Variants in HHIP observed in about 807,000 individuals in gnomAD.
HHIP encodes the protein hedgehog-interacting protein.
In HHIP, 12 loss-of-function variants were observed where a neutral mutation model predicts 74.0. That is an observed-to-expected ratio of 0.16 (90% CI 0.10 to 0.26). The LOEUF is 0.26. Ranked by LOEUF, HHIP falls within the 10% of genes least tolerant of loss-of-function variation. HHIP has a pLI of 1.00. For synonymous variants in HHIP, 309 were observed against 311.6 expected (o/e 0.99, Z 0.09); for missense variants, 788 against 845.0 (o/e 0.93, Z 0.84).
intron 11 of HHIP, among the ~76,000 whole-genome samples, chr4:144,724,682 T>G (rs6857915): frequency 1.1e-5 from 1 of 94,978 alleles, no homozygotes; most frequent in Non-Finnish European, 2.3e-5. Flanking sequence ...ATATATATAT[T>G]TATATATATA....
chr4:144,655,202 A>G (rs981199757), intron 2 of HHIP, among the ~76,000 whole-genome samples: 4 of 152,224 alleles, frequency 2.6e-5, no homozygotes, highest in African/African-American at 9.6e-5. Flanking sequence ...TTACAAAGCA[A>G]TATAGTGAGT....
chr4:144,659,424 A>G (rs1317601847), intron 3 of HHIP, among the ~76,000 whole-genome samples: 1 of 152,198 alleles, frequency 6.6e-6, no homozygotes, highest in Non-Finnish European at 1.5e-5. Context: ...CTCTTATTTT[A>G]CTTTCTGAAA....
At chr4:144,734,652 C>T in intron 11 of HHIP, 89 bp from the exon 12 acceptor site, 2 of 1,040,290 alleles carry the variant, frequency 1.9e-6, no homozygotes, top group Non-Finnish European at 2.7e-6. Flanking sequence ...AAGTAAGAGG[C>T]ATGCTTTGTA....
At chr4:144,703,151 T>C (rs1274501315) in intron 4 of HHIP, among the ~76,000 whole-genome samples, 11 of 151,870 alleles carry the variant, frequency 7.2e-5, no homozygotes, top group African/African-American at 1.9e-4. Flanking sequence ...GAGACGGAGA[T>C]TGCAGTGAGC....
rs200464883 is a variant in HHIP, at chr4:144,706,625, G to A, written c.926G>A (p.Arg309Gln). The change falls in exon 5 of 13, where the codon CGG becomes CAG. Residue 309 changes from arginine to glutamine, a missense_variant. Coordinates refer to ENST00000296575, the MANE Select transcript of HHIP (RefSeq NM_022475.3). The stretch of plus-strand genomic sequence containing the variant: ...GTGTCCTATACCACCAACCAAGAAC[G>A]GTGGGCTATCGGGCCTCATGACCAC... The part of the protein sequence containing the change: ...LYVSYTTNQE[R>Q]WAIGPHDHIL... The A allele has an allele frequency of 1.8e-4, 296 of 1,613,646 alleles. No homozygotes were observed. The highest frequency in any genetic ancestry group is 2.2e-5 in the Non-Finnish European group (26 of 1,179,816).
chr4:144,653,680 G>A (rs1201091465), intron 2 of HHIP, among the ~76,000 whole-genome samples: 1 of 152,026 alleles, frequency 6.6e-6, no homozygotes, highest in African/African-American at 2.4e-5. Flanking sequence ...TTTAAGAACC[G>A]TAGAATGCAC....
chr4:144,660,767 C>G (rs1191132632), intron 4 of HHIP, among the ~76,000 whole-genome samples: 1 of 152,096 alleles, frequency 6.6e-6, no homozygotes, highest in Non-Finnish European at 1.5e-5. Flanking sequence ...GTTAAGATGA[C>G]TCCAGTCTTT....
At position 144,646,708 on chromosome 4, in the gene HHIP, G is replaced by A; in HGVS notation, c.33G>A (p.Leu11=). MLKMLSFKLL[L]LAVALGFFEG... is the part of the protein sequence containing the mutation. ...AGATGCTCTCCTTTAAGCTGCTGCT[G>A]CTGGCCGTGGCTCTGGGCTTCTTTG... Residue 11 remains leucine (L), a synonymous_variant, in exon 1 of 13, where the codon CTG becomes CTA. Coordinates refer to ENST00000296575, the MANE Select transcript of HHIP (RefSeq NM_022475.3). 6.2e-7 allele frequency: 1 copy of A among 1,614,190 alleles called. No homozygotes were observed. Among genetic ancestry groups the A allele is most frequent in the South Asian group, 1.1e-5 (1 of 91,080 alleles).
At chr4:144,684,025 T>C (rs1475646268) in intron 4 of HHIP, among the ~76,000 whole-genome samples, 1 of 149,826 alleles carries the variant, frequency 6.7e-6, no homozygotes, top group African/African-American at 2.5e-5. Flanking sequence ...ATTGCACCAC[T>C]GCACTCCAGC....
intron 11 of HHIP, among the ~76,000 whole-genome samples, chr4:144,722,660 C>T (rs1044590915): frequency 3.9e-5 from 6 of 152,060 alleles, no homozygotes; most frequent in African/African-American, 1.4e-4. Flanking sequence ...CAAGACCAGC[C>T]TGGCCAACAT....
chr4:144,719,785 C>T (rs187071152), intron 11 of HHIP, among the ~76,000 whole-genome samples: 1 of 152,320 alleles, frequency 6.6e-6, no homozygotes, highest in East Asian at 1.9e-4. Flanking sequence ...TCTTTAGCCA[C>T]ACCATGCTGC....
In HHIP at chr4:144,646,623, G is replaced by A; in HGVS notation, c.-53G>A. ...TGCGCCCTAGTGCCCCTGCTGGGCA[G>A]TGGCGTTCCCCCCCATCCTCCCGCG... On this transcript the variant is annotated 5_prime_UTR_variant, in exon 1 of 13. The change creates a new upstream start codon in the 5' untranslated region. Coordinates refer to ENST00000296575, the MANE Select transcript of HHIP (RefSeq NM_022475.3). 1 of 1,574,106 alleles carries A rather than the reference G, an allele frequency of 6.4e-7. No homozygotes were observed. Among genetic ancestry groups the A allele is most frequent in the Non-Finnish European group, 8.6e-7 (1 of 1,156,378 alleles).
chr4:144,667,630 G>A (rs1315722692), intron 4 of HHIP, among the ~76,000 whole-genome samples: 4 of 152,192 alleles, frequency 2.6e-5, no homozygotes, highest in Non-Finnish European at 5.9e-5. Flanking sequence ...CAGCTCTGGA[G>A]TTTCTCAAAG....
intron 4 of HHIP, among the ~76,000 whole-genome samples, chr4:144,689,769 C>T (rs913849979): frequency 4.6e-5 from 7 of 151,962 alleles, no homozygotes; most frequent in African/African-American, 1.7e-4. Context: ...TTAACTGAAG[C>T]CTTACTCTAA....
chr4:144,671,041 G>A lies in HHIP; in HGVS notation c.831+11203G>A, dbSNP rs912472220. On this transcript the variant is annotated intron_variant, in intron 4 of 12. Transcript: ENST00000296575. Reference sequence around the variant, plus strand: ...TAGACTGGACTCAAGCCTGTGACCCGAGGTTGAAAAAGTCACATAGTTCAT... The same window carrying A: ...TAGACTGGACTCAAGCCTGTGACCCAAGGTTGAAAAAGTCACATAGTTCAT... Among the ~76,000 whole-genome samples, 17 of 152,078 alleles carry A rather than the reference G, an allele frequency of 1.1e-4. 2 individuals are homozygous for A. Among genetic ancestry groups the A allele is most frequent in the South Asian group, 6.2e-4 (3 of 4,818 alleles).
intron 4 of HHIP, among the ~76,000 whole-genome samples, chr4:144,703,764 G>A (rs1020992876): frequency 1.3e-5 from 2 of 152,170 alleles, no homozygotes; most frequent in African/African-American, 4.8e-5. Context: ...TCTCGGGCTA[G>A]GACGGTGTCC....
rs763450805 is a variant in HHIP at position 144,646,690 on chromosome 4, C to T, written c.15C>T (p.Leu5=). The T allele has an allele frequency of 1.9e-6, 3 of 1,614,028 alleles. No homozygotes were observed. Among genetic ancestry groups the T allele is most frequent in the African/African-American group, 2.7e-5 (2 of 75,046 alleles). The change falls in exon 1 of 13, where the codon CTC becomes CTT. Residue 5 remains leucine, a synonymous_variant. Transcript: ENST00000296575. MLKM[L]SFKLLLLAVA... is the part of the protein sequence containing the mutation. ...CTGGGCAGACGATGCTGAAGATGCT[C>T]TCCTTTAAGCTGCTGCTGCTGGCCG... is the stretch of plus-strand genomic sequence containing the variant.
chr4:144,719,795 C>A (rs1332750583), intron 11 of HHIP, among the ~76,000 whole-genome samples: 1 of 152,228 alleles, frequency 6.6e-6, no homozygotes, highest in Non-Finnish European at 1.5e-5. Context: ...CACCATGCTG[C>A]AAATTTCGGA....
At chr4:144,667,893 T>C (rs1362217929) in intron 4 of HHIP, among the ~76,000 whole-genome samples, 1 of 152,174 alleles carries the variant, frequency 6.6e-6, no homozygotes, top group Non-Finnish European at 1.5e-5. Context: ...CTAGCAACTA[T>C]GGCTCACAGC....
Sources: allele counts gnomAD v4.1 joint callset (sites outside exome capture counted in the v4.1 genomes callset), GRCh38; gene constraint gnomAD v4.1.1; transcripts MANE v1.5; gene names NCBI Gene and HGNC (gene_info 2026-07-23, HGNC 2026-07-21).